The following MTOR variants were observed in gnomAD, a reference collection of about 807,000 sequenced individuals.
MTOR encodes the protein mechanistic target of rapamycin kinase.
MTOR carries 70 observed loss-of-function variants against 319.8 expected under a neutral mutation model. That is an observed-to-expected ratio of 0.22 (90% CI 0.18 to 0.27). MTOR has a LOEUF of 0.27. MTOR is among the 10% of genes least tolerant of loss of function. The pLI is 1.00. For missense variants in MTOR, 1,890 were observed against 3,274.4 expected, an observed-to-expected ratio of 0.58 and a Z score of 10.32; for synonymous variants, 1,183 against 1,211.4, an observed-to-expected ratio of 0.98 and a Z score of 0.49.
chr1:11,258,363 G>T (rs1270743109), intron 3 of MTOR, 122 bp downstream of exon 3: 16 of 704,330 alleles, frequency 2.3e-5, no homozygotes, highest in Non-Finnish European at 3.8e-5. Flanking sequence ...AGAATTAAAA[G>T]CCACGGGCTT....
chr1:11,208,825 T>C (rs1162531495), intron 25 of MTOR, among the ~76,000 whole-genome samples: 2 of 152,190 alleles, frequency 1.3e-5, no homozygotes, highest in Non-Finnish European at 2.9e-5. Context: ...GTATGGTCCA[T>C]GGACCAGCAG....
chr1:11,199,639 G>A lies in MTOR; in HGVS notation c.4009C>T (p.Leu1337Phe), dbSNP rs2100746717. The change falls in exon 27 of 58, where the codon CTC (leucine) becomes TTC (phenylalanine). Residue 1337 changes from leucine to phenylalanine, a missense_variant. Transcript: ENST00000361445. The surrounding 1 kb of genome is among the most constrained non-coding windows in gnomAD (Gnocchi z 4.5). ...AGGGCCAACTCGATGCTTCTGATGA[G>A]CTCATCCTGTTGATCTTCATTCAGT... ...SELNEDQQDELIRSIELALTS... is the reference protein window; with the variant it reads ...SELNEDQQDEFIRSIELALTS... 7 of 1,614,168 alleles carry A rather than the reference G, an allele frequency of 4.3e-6. No individual in the cohort carries two copies. The highest frequency in any genetic ancestry group is 5.9e-6 in the Non-Finnish European group (7 of 1,180,010).
At chr1:11,139,473 G>T in intron 35 of MTOR, 38 bp from the exon 36 acceptor site, 1 of 1,614,074 alleles carries the variant, frequency 6.2e-7, no homozygotes, top group Non-Finnish European at 8.5e-7. Flanking sequence ...GACAGAACTG[G>T]ACAGCCCAGG....
intron 1 of MTOR, among the ~76,000 whole-genome samples, chr1:11,261,534 A>C (rs956216931): frequency 1.4e-4 from 22 of 152,254 alleles, no homozygotes; most frequent in African/African-American, 5.1e-4. Context: ...AATTATGCCC[A>C]CACTGCCATG....
chr1:11,179,635 G>C (rs1384300313), intron 28 of MTOR, among the ~76,000 whole-genome samples: 1 of 152,218 alleles, frequency 6.6e-6, no homozygotes. Context: ...AAGACGCTCT[G>C]CAAGAGCAAG....
At chr1:11,164,236 G>A (rs1356036335) in intron 29 of MTOR, among the ~76,000 whole-genome samples, 3 of 151,032 alleles carry the variant, frequency 2.0e-5, no homozygotes, top group African/African-American at 7.3e-5. Context: ...TCAGGAGGCT[G>A]AGGCAGGAGA....
intron 28 of MTOR, chr1:11,193,822 A>G (rs1250207649): frequency 6.3e-7 from 1 of 1,583,052 alleles, no homozygotes. Flanking sequence ...GCCACCACAC[A>G]TGACCGCGTA....
At chr1:11,137,490 T>A (rs1037465379) in intron 36 of MTOR, among the ~76,000 whole-genome samples, 1 of 152,184 alleles carries the variant, frequency 6.6e-6, no homozygotes, top group African/African-American at 2.4e-5. Context: ...ACAAGGCAAC[T>A]TATTTTCAAG....
chr1:11,186,482 A>C (rs1398299859), intron 28 of MTOR, among the ~76,000 whole-genome samples: 1 of 152,216 alleles, frequency 6.6e-6, no homozygotes, highest in Non-Finnish European at 1.5e-5. Flanking sequence ...TAATTTTCAT[A>C]AACACCTTTT....
chr1:11,177,934 A>G (rs1432050406), intron 28 of MTOR, among the ~76,000 whole-genome samples: 1 of 152,228 alleles, frequency 6.6e-6, no homozygotes, highest in Non-Finnish European at 1.5e-5. Context: ...GCATAAATGC[A>G]TATTTTATAC....
intron 30 of MTOR, among the ~76,000 whole-genome samples, chr1:11,156,401 T>C (rs1644320095): frequency 6.6e-6 from 1 of 152,306 alleles, no homozygotes; most frequent in African/African-American, 2.4e-5. Flanking sequence ...ATGGAGGCCA[T>C]TTTTTCCCTT....
At chr1:11,236,807 G>A (rs543007189) in intron 13 of MTOR, among the ~76,000 whole-genome samples, 230 of 152,154 alleles carry the variant, frequency 1.5e-3, no homozygotes, top group African/African-American at 5.3e-3. Flanking sequence ...CACCACGCCC[G>A]GCCTTCAACA....
At chr1:11,209,590 A>G (rs1646248472) in intron 24 of MTOR, 132 bp from the exon 25 acceptor site, 2 of 1,021,476 alleles carry the variant, frequency 2.0e-6, no homozygotes, top group Non-Finnish European at 2.9e-6. Flanking sequence ...AGTTGCACAT[A>G]TGGACAAAAT....
At chr1:11,209,940 T>C (rs1646257313) in intron 24 of MTOR, among the ~76,000 whole-genome samples, 1 of 152,168 alleles carries the variant, frequency 6.6e-6, no homozygotes, top group South Asian at 2.1e-4. Flanking sequence ...CAATCTCAGC[T>C]CACTGCAACC....
At chr1:11,126,530 G>A (rs1330596223) in intron 46 of MTOR, 92 bp downstream of exon 46, 12 of 1,388,642 alleles carry the variant, frequency 8.6e-6, no homozygotes, top group Non-Finnish European at 1.2e-5. Flanking sequence ...GGTGAGTAGT[G>A]GGAATGGCAA....
chr1:11,243,148 G>T lies in MTOR; in HGVS notation c.1378C>A (p.Arg460=). 6.2e-7 allele frequency: 1 copy of T among 1,614,150 alleles called. No individual in the cohort carries two copies. The highest frequency in any genetic ancestry group is 1.3e-5 in the African/African-American group (1 of 75,036). The stretch of plus-strand genomic sequence containing the variant: ...AAGTCCTTTGGGGGCAGGGCCGCTC[G>T]GATGATGTCCAGCACGCGAGGCAAA... The part of the protein sequence containing the change: ...VYLPRVLDII[R]AALPPKDFAH... The change falls in exon 9 of 58, where the codon CGA becomes AGA. Residue 460 remains arginine, a synonymous_variant. Transcript: ENST00000361445.
At chr1:11,235,572 A>G (rs1569723951) in intron 13 of MTOR, among the ~76,000 whole-genome samples, 1 of 152,232 alleles carries the variant, frequency 6.6e-6, no homozygotes, top group Non-Finnish European at 1.5e-5. Flanking sequence ...TAAAAACAAA[A>G]AAGAGTAATT....
At chr1:11,158,913 T>C (rs1644394380) in intron 29 of MTOR, among the ~76,000 whole-genome samples, 1 of 152,230 alleles carries the variant, frequency 6.6e-6, no homozygotes, top group South Asian at 2.1e-4. Flanking sequence ...TACATAAATT[T>C]TGCTGAGAAA....
chr1:11,185,805 G>A (rs1645300834), intron 28 of MTOR, among the ~76,000 whole-genome samples: 2 of 152,244 alleles, frequency 1.3e-5, no homozygotes, highest in Middle Eastern at 3.4e-3. Context: ...TATGTGGCCG[G>A]GCATGATGAC....
Sources: allele counts gnomAD v4.1 joint callset (sites outside exome capture counted in the v4.1 genomes callset), GRCh38; gene constraint gnomAD v4.1.1; non-coding constraint Gnocchi (gnomAD v3.1); transcripts MANE v1.5; gene names NCBI Gene and HGNC (gene_info 2026-07-23, HGNC 2026-07-21).